Variants in RUNX2 observed in about 807,000 individuals in gnomAD.
The protein encoded by RUNX2 is RUNX family transcription factor 2, also known as runt-related transcription factor 2.
In RUNX2, 10 loss-of-function variants were observed where a neutral mutation model predicts 51.7. That is an observed-to-expected ratio of 0.19 (90% CI 0.12 to 0.33). The LOEUF is 0.33. Ranked by LOEUF, RUNX2 falls within the 10% of genes least tolerant of loss-of-function variation. The pLI is 1.00. For synonymous variants in RUNX2, 276 were observed against 273.6 expected (o/e 1.01, Z -0.09); for missense variants, 562 against 691.3 (o/e 0.81, Z 2.10).
chr6:45,527,758 TG>T (rs1429521443), intron 7 of RUNX2, among the ~76,000 whole-genome samples: 1 of 152,220 alleles, frequency 6.6e-6, no homozygotes, highest in African/African-American at 2.4e-5. Flanking sequence ...TTTAGGTTTT[TG>T]TAATCACATT....
chr6:45,536,872 G>T (rs1046862249), intron 7 of RUNX2, among the ~76,000 whole-genome samples: 1 of 152,134 alleles, frequency 6.6e-6, no homozygotes, highest in Admixed American at 6.5e-5. Context: ...CTCAGTTATG[G>T]TTTTTTTACA....
chr6:45,445,928 T>G (rs1353765644), intron 5 of RUNX2, among the ~76,000 whole-genome samples: 1 of 152,114 alleles, frequency 6.6e-6, no homozygotes, highest in Non-Finnish European at 1.5e-5. Flanking sequence ...GTCCTTTTTT[T>G]TTGTTGACTG....
chr6:45,343,476 A>C (rs1790239498), intron 2 of RUNX2, among the ~76,000 whole-genome samples: 1 of 152,136 alleles, frequency 6.6e-6, no homozygotes, highest in South Asian at 2.1e-4. Context: ...TGCACCTCCA[A>C]AAGGCAGCTT....
chr6:45,349,030 G>C (rs1486689898), intron 2 of RUNX2, among the ~76,000 whole-genome samples: 1 of 152,158 alleles, frequency 6.6e-6, no homozygotes, highest in Non-Finnish European at 1.5e-5. Flanking sequence ...GTGGAAAGAG[G>C]TTTATAATCT....
chr6:45,335,746 A>G (rs2150107143), intron 2 of RUNX2, among the ~76,000 whole-genome samples: 1 of 151,428 alleles, frequency 6.6e-6, no homozygotes, highest in Admixed American at 6.6e-5. Flanking sequence ...GAAGTAATCT[A>G]TGAGAAAACT....
chr6:45,356,255 T>C (rs1201816186), intron 2 of RUNX2, among the ~76,000 whole-genome samples: 2 of 152,092 alleles, frequency 1.3e-5, no homozygotes, highest in East Asian at 3.8e-4. Context: ...CCAAAAAAGA[T>C]ATATTTGCAA....
chr6:45,448,867 G>T (rs1448479807), intron 5 of RUNX2, among the ~76,000 whole-genome samples: 1 of 152,166 alleles, frequency 6.6e-6, no homozygotes. Flanking sequence ...TCAAGGAGAT[G>T]ATGAAGGTAC....
chr6:45,478,645 T>A (rs1383558456), intron 5 of RUNX2, among the ~76,000 whole-genome samples: 1 of 151,808 alleles, frequency 6.6e-6, no homozygotes, highest in East Asian at 1.9e-4. Context: ...TAAATGTGTG[T>A]GTGTGTGTGT....
intron 6 of RUNX2, among the ~76,000 whole-genome samples, chr6:45,502,594 G>A (rs1299777112): frequency 9.9e-5 from 15 of 152,028 alleles, no homozygotes; most frequent in African/African-American, 2.7e-4. Flanking sequence ...CAGGAGCCTC[G>A]CCCCCGTGAT....
chr6:45,491,434 T>C (rs1318126442), intron 5 of RUNX2, among the ~76,000 whole-genome samples: 1 of 151,906 alleles, frequency 6.6e-6, no homozygotes, highest in Non-Finnish European at 1.5e-5. Flanking sequence ...TAGTAAAGAG[T>C]AGTTGTAACG....
chr6:45,409,777 A>G (rs558423404), intron 2 of RUNX2, among the ~76,000 whole-genome samples: 1 of 152,362 alleles, frequency 6.6e-6, no homozygotes, highest in South Asian at 2.1e-4. Flanking sequence ...GATTCATTTT[A>G]ACAAGCATTG....
At chr6:45,423,485 G>A (rs948232215) in intron 3 of RUNX2, among the ~76,000 whole-genome samples, 1 of 152,092 alleles carries the variant, frequency 6.6e-6, no homozygotes, top group African/African-American at 2.4e-5. Flanking sequence ...ACAGCCAAAC[G>A]CCTCTCCTCA....
chr6:45,378,229 C>G (rs1797098694), intron 2 of RUNX2, among the ~76,000 whole-genome samples: 2 of 152,190 alleles, frequency 1.3e-5, no homozygotes, highest in South Asian at 4.1e-4. Flanking sequence ...TGAGATCGGT[C>G]AGGGTGTACA....
At chr6:45,521,005 C>T (rs1274215469) in intron 7 of RUNX2, among the ~76,000 whole-genome samples, 1 of 152,312 alleles carries the variant, frequency 6.6e-6, no homozygotes, top group East Asian at 1.9e-4. Context: ...TGTGAGGCCT[C>T]ATGCCCAGCC....
intron 3 of RUNX2, among the ~76,000 whole-genome samples, chr6:45,427,429 GT>G (rs916399516): frequency 6.6e-6 from 1 of 151,960 alleles, no homozygotes; most frequent in Non-Finnish European, 1.5e-5. Flanking sequence ...GACATATTGT[GT>G]TTTTTCTCTA....
intron 5 of RUNX2, among the ~76,000 whole-genome samples, chr6:45,451,160 T>C (rs914011043): frequency 3.9e-5 from 6 of 152,040 alleles, no homozygotes; most frequent in Admixed American, 1.3e-4. Context: ...AAGACCCAAA[T>C]TGGTAGGGAA....
At chr6:45,474,763 G>A (rs1158294967) in intron 5 of RUNX2, among the ~76,000 whole-genome samples, 1 of 152,138 alleles carries the variant, frequency 6.6e-6, no homozygotes. Flanking sequence ...ATTTGTTTTT[G>A]TAGTGAGAGC....
rs766801937 is a variant in RUNX2, at chr6:45,434,794, C to T, written c.580+2775C>T. On this transcript the variant is annotated intron_variant, in intron 4 of 8. Coordinates refer to ENST00000647337, the MANE Select transcript of RUNX2 (RefSeq NM_001024630.4). ...GACTGCTAGCTCCCTATTTGAGAGCCTACATTTTAAAATAACAGGCTGTAT... is the reference window on the plus strand; with the variant it reads ...GACTGCTAGCTCCCTATTTGAGAGCTTACATTTTAAAATAACAGGCTGTAT... Among the ~76,000 whole-genome samples the T allele has an allele frequency of 1.8e-4, 28 of 151,794 alleles. 1 individual carries two copies. The highest frequency in any genetic ancestry group is 3.7e-4 in the Non-Finnish European group (25 of 67,982).
At chr6:45,482,537 C>G (rs913334133) in intron 5 of RUNX2, among the ~76,000 whole-genome samples, 2 of 152,120 alleles carry the variant, frequency 1.3e-5, no homozygotes, top group African/African-American at 4.8e-5. Context: ...TCCTTAGAAG[C>G]CTAAATTTTG....
Sources: allele counts gnomAD v4.1 joint callset (sites outside exome capture counted in the v4.1 genomes callset), GRCh38; gene constraint gnomAD v4.1.1; transcripts MANE v1.5; gene names NCBI Gene and HGNC (gene_info 2026-07-23, HGNC 2026-07-21).